Variants in PKD2 observed in about 807,000 individuals in gnomAD.
PKD2 encodes polycystin-2.
In PKD2, 48 loss-of-function variants were observed where a neutral mutation model predicts 105.9. That is an observed-to-expected ratio of 0.45 (90% CI 0.36 to 0.58). PKD2 has a LOEUF of 0.58. Ranked by LOEUF, PKD2 falls within the 20% of genes least tolerant of loss-of-function variation. The probability of loss-of-function intolerance (pLI) is 0.00; values close to 1 mark genes in which losing one functional copy is unlikely to be tolerated. For missense variants in PKD2, 1,078 were observed against 1,255.3 expected, an observed-to-expected ratio of 0.86 and a Z score of 2.13; for synonymous variants, 464 against 481.1, an observed-to-expected ratio of 0.96 and a Z score of 0.46.
At chr4:88,033,820 C>T (rs1297762721) in intron 2 of PKD2, among the ~76,000 whole-genome samples, 1 of 152,174 alleles carries the variant, frequency 6.6e-6, no homozygotes, top group Admixed American at 6.5e-5. Flanking sequence ...AAATAATCAA[C>T]TTAATCATTT....
chr4:88,073,755 C>G (rs1721127076), intron 13 of PKD2, among the ~76,000 whole-genome samples: 1 of 152,096 alleles, frequency 6.6e-6, no homozygotes, highest in Non-Finnish European at 1.5e-5. Context: ...AGTAGATTTT[C>G]TTGAATAAAT....
chr4:88,063,159 A>G (rs1429926622), intron 10 of PKD2, among the ~76,000 whole-genome samples: 2 of 152,358 alleles, frequency 1.3e-5, no homozygotes, highest in East Asian at 1.9e-4. Flanking sequence ...GTCACTGAGC[A>G]TCTGCTATCC....
In PKD2 at chr4:88,075,831, T is replaced by A. The variant is rs1262172247; in HGVS notation, c.*137T>A. The A allele has an allele frequency of 1.4e-6, 1 of 739,194 alleles. No homozygotes were observed. The highest frequency in any genetic ancestry group is 2.5e-5 in the East Asian group (1 of 40,662). The allele number at this position is 739,194 out of a possible 1,614,324, so 45.8% of individuals were successfully genotyped here. A position where few individuals can be genotyped will look rare whatever the true frequency, so the allele number is the denominator to read the frequency against. ...TGACCGATTGCTAATCTTCTGCACT[T>A]TAATTTATTTTATATAAACTTTACC... is the stretch of plus-strand genomic sequence containing the variant. On this transcript the variant is annotated 3_prime_UTR_variant, in exon 15 of 15. Transcript: ENST00000237596.
chr4:88,044,361 A>G (rs1017679955), intron 5 of PKD2, among the ~76,000 whole-genome samples: 3 of 152,276 alleles, frequency 2.0e-5, no homozygotes, highest in Middle Eastern at 3.4e-3. Flanking sequence ...TTGCATGTAT[A>G]TTTACACATA....
intron 5 of PKD2, among the ~76,000 whole-genome samples, chr4:88,044,531 C>T (rs1727697999): frequency 6.6e-6 from 1 of 152,132 alleles, no homozygotes; most frequent in Non-Finnish European, 1.5e-5. Context: ...ATCCCTTATC[C>T]AAAATGCTTA....
rs1720965228 is a variant in PKD2 at position 88,070,381 on chromosome 4, C to CGCATTAT, written c.2522+2325_2522+2331dup. ...TCACTTTCTCTTCTCCTTTGGGACC[C>CGCATTAT]GCATTATGCATATGCTTAGGGGTAT... On this transcript the variant is annotated intron_variant, in intron 13 of 14. Transcript: ENST00000237596. Among the ~76,000 whole-genome samples, 3 of 151,648 alleles carry CGCATTAT rather than the reference C, an allele frequency of 2.0e-5. No individual in the cohort carries two copies. In the South Asian group the frequency reaches 6.3e-4, roughly 32 times the overall value.
At position 88,046,645 on chromosome 4, in the gene PKD2, A is replaced by G; in HGVS notation, c.1323A>G (p.Leu441=). Residue 441 remains leucine, a synonymous_variant, in exon 6 of 15, where the codon TTA becomes TTG. Transcript: ENST00000237596. ...ANINLFCVVR[L]LVEFPATGGV... ...AATTGTTCTTATTTACATGCAGGTT[A>G]TTGGTTGAATTCCCAGCAACAGGTG... is the stretch of plus-strand genomic sequence containing the variant. The G allele has an allele frequency of 6.3e-7, 1 of 1,578,442 alleles. No individual in the cohort carries two copies. The highest frequency in any genetic ancestry group is 8.7e-7 in the Non-Finnish European group (1 of 1,147,498).
At position 88,075,566 on chromosome 4, in the gene PKD2, C is replaced by T; in HGVS notation, c.2779C>T (p.His927Tyr). 1 of 1,614,138 alleles carries T rather than the reference C, an allele frequency of 6.2e-7. No homozygotes were observed. Among genetic ancestry groups the T allele is most frequent in the Non-Finnish European group, 8.5e-7 (1 of 1,179,996 alleles). ...ESDDAASQIS[H>Y]GLGTPVGLNG... ...CGATGATGCAGCTTCCCAGATCAGT[C>T]ATGGTTTAGGCACGCCAGTGGGACT... The change falls in exon 15 of 15, where the codon CAT (histidine) becomes TAT (tyrosine). Residue 927 changes from histidine to tyrosine, a missense_variant. By Grantham distance (83) the His-to-Tyr change is moderately conservative. Coordinates refer to ENST00000237596, the MANE Select transcript of PKD2 (RefSeq NM_000297.4).
At chr4:88,034,025 C>A (rs887098462) in intron 2 of PKD2, among the ~76,000 whole-genome samples, 25 of 152,280 alleles carry the variant, frequency 1.6e-4, no homozygotes, top group Middle Eastern at 3.4e-3. Context: ...GCAGAGATCA[C>A]GTCTTGTTCA....
intron 2 of PKD2, among the ~76,000 whole-genome samples, chr4:88,026,952 G>T (rs529930251): frequency 6.6e-6 from 1 of 152,228 alleles, no homozygotes; most frequent in African/African-American, 2.4e-5. Flanking sequence ...TTGAGCTTTG[G>T]AAGCCGCTGC....
In PKD2 at chr4:88,008,095, GC is replaced by G; in HGVS notation, c.363del (p.Ser122AlafsTer10). ...GAGATGGACGTAGAGTGGCGCCCGGGCAGCCGGAGGTCGGCCGCCTCCTCGG... is the reference window on the plus strand; with the variant it reads ...GAGATGGACGTAGAGTGGCGCCCGGGAGCCGGAGGTCGGCCGCCTCCTCGG... ...VVEMDVEWRP[G>X]SRRSAASSAV... On this transcript the variant is annotated frameshift_variant, in exon 1 of 15. Coordinates refer to ENST00000237596, the MANE Select transcript of PKD2 (RefSeq NM_000297.4). LOFTEE classifies it high-confidence loss of function. 1 of 1,516,946 alleles carries G rather than the reference GC, an allele frequency of 6.6e-7. No individual in the cohort carries two copies. The highest frequency in any genetic ancestry group is 8.8e-7 in the Non-Finnish European group (1 of 1,137,678). 94.0% of individuals were successfully genotyped at this position (1,516,946 alleles called of 1,614,324 possible).
At chr4:88,024,523 A>C (rs1447992266) in intron 2 of PKD2, among the ~76,000 whole-genome samples, 2 of 151,418 alleles carry the variant, frequency 1.3e-5, no homozygotes, top group Non-Finnish European at 2.9e-5. Context: ...AAAAGGAAAA[A>C]ATGCAAGGAA....
At chr4:88,009,670 A>C (rs11943053) in intron 1 of PKD2, among the ~76,000 whole-genome samples, 4,116 of 152,346 alleles carry the variant, frequency 0.027, 66 homozygotes, top group South Asian at 0.047. Flanking sequence ...TAATTTTATT[A>C]AAAGCATGAT....
chr4:88,062,091 C>T, intron 10 of PKD2, 87 bp downstream of exon 10: 1 of 752,460 alleles, frequency 1.3e-6, no homozygotes, highest in Non-Finnish European at 2.4e-6. Context: ...CAACATTGAT[C>T]CATTGAAATT....
intron 13 of PKD2, among the ~76,000 whole-genome samples, chr4:88,070,633 G>GAGAGAGAGAA (rs1720997719): frequency 2.0e-5 from 3 of 147,082 alleles, no homozygotes; most frequent in African/African-American, 7.4e-5. Context: ...GAGAGAAAGA[G>GAGAGAGAGAA]AGAGAGAGAG....
chr4:88,021,726 G>A (rs897806228), intron 2 of PKD2, among the ~76,000 whole-genome samples: 4 of 152,198 alleles, frequency 2.6e-5, no homozygotes, highest in African/African-American at 9.6e-5. Context: ...TGAAGCCAGA[G>A]TCTATCTCTT....
At chr4:88,021,879 T>G (rs552470547) in intron 2 of PKD2, among the ~76,000 whole-genome samples, 2 of 152,360 alleles carry the variant, frequency 1.3e-5, no homozygotes, top group South Asian at 2.1e-4. Context: ...GCCTTTCCAG[T>G]TCATCCAGCT....
chr4:88,045,131 A>AG (rs1195178228), intron 5 of PKD2, among the ~76,000 whole-genome samples: 1 of 152,242 alleles, frequency 6.6e-6, no homozygotes, highest in East Asian at 1.9e-4. Flanking sequence ...AAGGATGAAC[A>AG]TTGTTAAGAC....
chr4:88,056,290 A>G, intron 8 of PKD2, 23 bp downstream of exon 8: 1 of 1,494,664 alleles, frequency 6.7e-7, no homozygotes, highest in South Asian at 1.2e-5. Flanking sequence ...GAAATTAAGA[A>G]GAAAAATTTA....
Sources: allele counts gnomAD v4.1 joint callset (sites outside exome capture counted in the v4.1 genomes callset), GRCh38; gene constraint gnomAD v4.1.1; transcripts MANE v1.5; gene names NCBI Gene and HGNC (gene_info 2026-07-23, HGNC 2026-07-21).